The following TMC1 variants were observed in gnomAD, a reference collection of about 807,000 sequenced individuals.
TMC1 encodes transmembrane channel-like protein 1.
TMC1 carries 84 observed loss-of-function variants against 105.8 expected under a neutral mutation model. That is an observed-to-expected ratio of 0.79 (90% CI 0.67 to 0.95). The LOEUF (loss-of-function observed/expected upper bound fraction) is 0.95, where lower values mean the gene tolerates loss of function less well. Ranked by LOEUF, TMC1 falls within the 40% of genes least tolerant of loss-of-function variation. The pLI, the probability that TMC1 is intolerant of heterozygous loss-of-function variation, is 0.00. For missense variants in TMC1, 817 were observed against 914.1 expected (o/e 0.89, Z 1.37); for synonymous variants, 315 against 311.5 (o/e 1.01, Z -0.12).
At chr9:72,628,659 G>T (rs4745190) in intron 4 of TMC1, among the ~76,000 whole-genome samples, 2 of 152,166 alleles carry the variant, frequency 1.3e-5, no homozygotes, top group Non-Finnish European at 2.9e-5. Flanking sequence ...TGCCATCAGG[G>T]ATTGTAGTAC....
At chr9:72,751,383 C>T (rs1827577604) in intron 10 of TMC1, among the ~76,000 whole-genome samples, 1 of 152,212 alleles carries the variant, frequency 6.6e-6, no homozygotes, top group South Asian at 2.1e-4. Flanking sequence ...ATGTGGTAAA[C>T]TCTTTTTGAG....
chr9:72,713,615 G>GAT (rs1193799838), intron 8 of TMC1, among the ~76,000 whole-genome samples: 1 of 151,946 alleles, frequency 6.6e-6, no homozygotes, highest in Non-Finnish European at 1.5e-5. Flanking sequence ...GATCGGCGGT[G>GAT]ATATACCCTT....
At chr9:72,660,006 A>G (rs1365843102) in intron 5 of TMC1, among the ~76,000 whole-genome samples, 1 of 152,112 alleles carries the variant, frequency 6.6e-6, no homozygotes. Flanking sequence ...CTGAGTGCTA[A>G]TAGTCTACCT....
intron 2 of TMC1, among the ~76,000 whole-genome samples, chr9:72,597,836 C>T (rs1219693909): frequency 2.0e-5 from 3 of 152,142 alleles, no homozygotes; most frequent in Non-Finnish European, 4.4e-5. Context: ...TCGGTTCAGG[C>T]CTGGCTCCTG....
At position 72,836,063 on chromosome 9, in the gene TMC1, G is replaced by C. The variant is rs1829122433; in HGVS notation, c.*90G>C. On this transcript the variant is annotated 3_prime_UTR_variant, in exon 24 of 24. Coordinates refer to ENST00000297784, the MANE Select transcript of TMC1 (RefSeq NM_138691.3). ...GAACGCCCAGAGAACAAGCACTGTG[G>C]AACTGCTATTTTCCTGTTCTACCCT... 6.9e-7 allele frequency: 1 copy of C among 1,447,186 alleles called. No homozygotes were observed. Among genetic ancestry groups the C allele is most frequent in the African/African-American group, 1.4e-5 (1 of 71,722 alleles). 89.6% of individuals were successfully genotyped at this position (1,447,186 alleles called of 1,614,324 possible). A position where few individuals can be genotyped will look rare whatever the true frequency, so the allele number is the denominator to read the frequency against.
At chr9:72,744,267 G>A (rs1053997608) in intron 10 of TMC1, among the ~76,000 whole-genome samples, 2 of 152,070 alleles carry the variant, frequency 1.3e-5, no homozygotes, top group South Asian at 4.2e-4. Flanking sequence ...ATTTTTTGAT[G>A]TAATCTTAAT....
chr9:72,796,612 A>G (rs1426350269), intron 17 of TMC1, among the ~76,000 whole-genome samples: 1 of 152,196 alleles, frequency 6.6e-6, no homozygotes, highest in East Asian at 1.9e-4. Context: ...AAAGAAATAA[A>G]GAGAAAAACC....
At chr9:72,574,753 AT>A (rs1283334586) in intron 1 of TMC1, among the ~76,000 whole-genome samples, 1 of 152,136 alleles carries the variant, frequency 6.6e-6, no homozygotes, top group Non-Finnish European at 1.5e-5. Context: ...TGCAAGGTGA[AT>A]TTCTAGAAGT....
intron 21 of TMC1, 71 bp from the exon 22 acceptor site, chr9:72,830,380 A>G (rs1382653884): frequency 4.0e-6 from 4 of 990,926 alleles, no homozygotes; most frequent in Non-Finnish European, 6.4e-6. Context: ...AATTTACTTA[A>G]TGTAAATTTA....
intron 4 of TMC1, among the ~76,000 whole-genome samples, chr9:72,633,741 C>T (rs1323993410): frequency 1.3e-5 from 2 of 152,170 alleles, no homozygotes; most frequent in African/African-American, 2.4e-5. Context: ...TCCACTGCTA[C>T]TACAACTCAA....
At chr9:72,799,261 C>A (rs578200814) in intron 17 of TMC1, among the ~76,000 whole-genome samples, 2 of 152,128 alleles carry the variant, frequency 1.3e-5, no homozygotes, top group South Asian at 4.1e-4. Context: ...TGTTAGACAA[C>A]AGTTGAGTTT....
intron 4 of TMC1, among the ~76,000 whole-genome samples, chr9:72,630,975 AT>A (rs1247717485): frequency 6.6e-6 from 1 of 150,636 alleles, no homozygotes; most frequent in African/African-American, 2.4e-5. Context: ...TCAATCAATT[AT>A]TCTACCTCAG....
chr9:72,741,527 G>T (rs771710554), intron 9 of TMC1: 66 of 187,676 alleles, frequency 3.5e-4, no homozygotes, highest in Non-Finnish European at 5.9e-4. Context: ...TCTTATCCTA[G>T]ATCTTGGACT....
chr9:72,806,132 C>T (rs866776765), intron 18 of TMC1, among the ~76,000 whole-genome samples: 3,709 of 149,844 alleles, frequency 0.025, 62 homozygotes, highest in Non-Finnish European at 0.037. Flanking sequence ...CGGGCAGAGG[C>T]GCCCCTCACC....
At chr9:72,701,753 G>T (rs899941104) in intron 8 of TMC1, among the ~76,000 whole-genome samples, 1 of 152,114 alleles carries the variant, frequency 6.6e-6, no homozygotes, top group Non-Finnish European at 1.5e-5. Context: ...CCAAAATAAA[G>T]AAAGATATTC....
In TMC1 at chr9:72,733,935, G is replaced by T. The variant is rs115982279; in HGVS notation, c.363-6184G>T. Among the ~76,000 whole-genome samples the T allele has an allele frequency of 8.6e-3, 1,306 of 151,972 alleles. 13 individuals are homozygous for T. Among genetic ancestry groups the T allele is most frequent in the African/African-American group, 0.03 (1,238 of 41,398 alleles). ...GGCTTCTCTTTGGCATATCCAAATT[G>T]CCAGCATCACTAAACTTATGCTTTG... On this transcript the variant is annotated intron_variant, in intron 8 of 23. Coordinates refer to ENST00000297784, the MANE Select transcript of TMC1 (RefSeq NM_138691.3).
At chr9:72,831,295 C>T (rs1453292911) in intron 23 of TMC1, among the ~76,000 whole-genome samples, 3 of 152,274 alleles carry the variant, frequency 2.0e-5, no homozygotes, top group East Asian at 3.9e-4. Flanking sequence ...CTTTAAAACT[C>T]TTTACATTAG....
intron 4 of TMC1, 25 bp from the exon 5 acceptor site, chr9:72,648,572 A>T (rs777182188): frequency 1.4e-5 from 19 of 1,348,626 alleles, no homozygotes; most frequent in Admixed American, 3.4e-5. Context: ...ATCAAACCTG[A>T]AATATTTGTT....
chr9:72,739,637 C>T (rs1288085962), intron 8 of TMC1, among the ~76,000 whole-genome samples: 1 of 152,032 alleles, frequency 6.6e-6, no homozygotes, highest in Non-Finnish European at 1.5e-5. Context: ...TGTTTTAAGT[C>T]ATAATTGCTT....
Sources: gnomAD v4.1 joint callset for allele counts (sites outside exome capture counted in the v4.1 genomes callset) on GRCh38, gnomAD v4.1.1 for gene constraint, MANE v1.5 for transcripts, NCBI Gene and HGNC (gene_info 2026-07-23, HGNC 2026-07-21) for gene names.